KPNA3: variants seen among roughly 807,000 people sequenced by gnomAD.
KPNA3 encodes importin subunit alpha-4.
Under a neutral mutation model 73.8 loss-of-function variants are expected in KPNA3, and 13 were observed. The observed-to-expected ratio is 0.18, with a 90% confidence interval of 0.11 to 0.28. KPNA3 has a LOEUF of 0.28. Among genes scored for constraint, KPNA3 ranks in the 10% least tolerant of loss-of-function variants. The probability of loss-of-function intolerance (pLI) is 1.00; values close to 1 mark genes in which losing one functional copy is unlikely to be tolerated. For missense variants in KPNA3, 360 were observed against 618.1 expected (o/e 0.58, Z 4.43); for synonymous variants, 186 against 206.9 (o/e 0.90, Z 0.87).
chr13:49,705,791 A>G lies in KPNA3; in HGVS notation c.1210-8T>C. 6.4e-7 allele frequency: 1 copy of G among 1,569,624 alleles called. No individual in the cohort carries two copies. The highest frequency in any genetic ancestry group is 2.3e-5 in the East Asian group (1 of 44,170). ...CTGTACAAGGTACTCAACCTAGACA[A>G]CAAAAGAGAAGAAATATTTTTATTT... On this transcript the variant is annotated splice_polypyrimidine_tract_variant and splice_region_variant and intron_variant, in intron 14 of 16. Transcript: ENST00000261667.
chr13:49,721,544 G>T (rs558743873), intron 9 of KPNA3, among the ~76,000 whole-genome samples: 1 of 152,192 alleles, frequency 6.6e-6, no homozygotes, highest in Non-Finnish European at 1.5e-5. Context: ...CTGTGGCTGG[G>T]CGTGGTGGCT....
intron 2 of KPNA3, among the ~76,000 whole-genome samples, chr13:49,734,792 TTA>T (rs1954504242): frequency 6.6e-6 from 1 of 152,128 alleles, no homozygotes; most frequent in South Asian, 2.1e-4. Flanking sequence ...GTGAATTAAA[TTA>T]TTCAAATTTT....
chr13:49,702,802 T>C (rs1431232951), intron 15 of KPNA3, among the ~76,000 whole-genome samples: 1 of 152,236 alleles, frequency 6.6e-6, no homozygotes, highest in Non-Finnish European at 1.5e-5. Flanking sequence ...TTTCAAGTTA[T>C]ATGGCAAGTT....
At chr13:49,737,561 CTGTGTGTGTGTGTGTGTGTGTGTGTG>C (rs3990330) in intron 2 of KPNA3, among the ~76,000 whole-genome samples, 17 of 142,956 alleles carry the variant, frequency 1.2e-4, no homozygotes, top group African/African-American at 1.6e-4. Context: ...GTGTGTGTGT[CTGTGTGTGTGTGTGTGTGTGTGTGTG>C]TGTGTGTGTG....
At chr13:49,734,691 A>T (rs566914335) in intron 2 of KPNA3, among the ~76,000 whole-genome samples, 36 of 152,172 alleles carry the variant, frequency 2.4e-4, no homozygotes, top group Non-Finnish European at 4.1e-4. Context: ...ATGTTACCTC[A>T]GCGCAGAGTT....
chr13:49,710,544 C>G (rs933814514), intron 11 of KPNA3, among the ~76,000 whole-genome samples: 2 of 152,108 alleles, frequency 1.3e-5, no homozygotes, highest in South Asian at 2.1e-4. Context: ...AAGGAGGAAT[C>G]AAAATTTCTA....
At chr13:49,743,827 C>T (rs1445943043) in intron 2 of KPNA3, among the ~76,000 whole-genome samples, 2 of 152,038 alleles carry the variant, frequency 1.3e-5, no homozygotes, top group African/African-American at 2.4e-5. Flanking sequence ...GAATTGCAAG[C>T]GTGAAAAGTT....
rs1954138872 is a variant in KPNA3, at chr13:49,700,668, C to G, written c.*1132G>C. The G allele has an allele frequency of 6.6e-6, 1 of 152,614 alleles. No homozygotes were observed. The highest frequency in any genetic ancestry group is 2.1e-4 in the South Asian group (1 of 4,834). The allele number at this position is 152,614 out of a possible 1,614,324, so 9.5% of individuals were successfully genotyped here. On this transcript the variant is annotated 3_prime_UTR_variant, in exon 17 of 17. Transcript: ENST00000261667. ...ACTCAAAGAATGAACTCTTATGACA[C>G]TTCTAAATAGTTGCTGGTTTGTTGC...
At chr13:49,764,977 T>C (rs1954797777) in intron 1 of KPNA3, among the ~76,000 whole-genome samples, 1 of 152,200 alleles carries the variant, frequency 6.6e-6, no homozygotes, top group Non-Finnish European at 1.5e-5. Flanking sequence ...GGAGAACACT[T>C]CATTCATTCT....
intron 6 of KPNA3, among the ~76,000 whole-genome samples, chr13:49,731,002 G>A (rs959805497): frequency 6.6e-6 from 1 of 151,184 alleles, no homozygotes; most frequent in Non-Finnish European, 1.5e-5. Flanking sequence ...GGATGGTCTC[G>A]ATCTCCTGAC....
At chr13:49,786,773 T>C (rs762707062) in intron 1 of KPNA3, among the ~76,000 whole-genome samples, 58 of 152,202 alleles carry the variant, frequency 3.8e-4, no homozygotes, top group Non-Finnish European at 7.9e-4. Context: ...GTCTTACAAC[T>C]ATGTGTGGCA....
At chr13:49,732,229 A>G in intron 6 of KPNA3, 142 bp downstream of exon 6, 1 of 444,786 alleles carries the variant, frequency 2.2e-6, no homozygotes, top group East Asian at 3.5e-5. Context: ...ATATGATCAC[A>G]GAATAAGAAA....
chr13:49,773,591 T>G (rs1298051148), intron 1 of KPNA3, among the ~76,000 whole-genome samples: 1 of 152,096 alleles, frequency 6.6e-6, no homozygotes, highest in Non-Finnish European at 1.5e-5. Flanking sequence ...CCTTCAAGAG[T>G]GTTATAAATA....
intron 1 of KPNA3, among the ~76,000 whole-genome samples, chr13:49,747,502 T>C (rs1028480705): frequency 7.9e-5 from 12 of 152,074 alleles, no homozygotes; most frequent in Non-Finnish European, 1.5e-4. Flanking sequence ...CTGGCCAACA[T>C]GGCAAAACCC....
intron 1 of KPNA3, among the ~76,000 whole-genome samples, chr13:49,762,798 C>A (rs577101727): frequency 4.6e-5 from 7 of 152,048 alleles, no homozygotes; most frequent in Admixed American, 1.3e-4. Flanking sequence ...CTGACCTTCC[C>A]TCCACTATTG....
At chr13:49,721,767 C>G (rs924211063) in intron 9 of KPNA3, among the ~76,000 whole-genome samples, 188 bp downstream of exon 9, 2 of 152,180 alleles carry the variant, frequency 1.3e-5, no homozygotes, top group African/African-American at 4.8e-5. Flanking sequence ...TTGCCGTGAG[C>G]CAAGATCGCG....
chr13:49,790,021 T>C (rs1409678381), intron 1 of KPNA3, among the ~76,000 whole-genome samples: 1 of 152,188 alleles, frequency 6.6e-6, no homozygotes, highest in Non-Finnish European at 1.5e-5. Flanking sequence ...TCACCCCCAC[T>C]GGACTGTAAA....
At position 49,733,195 on chromosome 13, in the gene KPNA3, A is replaced by C. The variant is rs878918653; in HGVS notation, c.115-149T>G. ...GAATTAAATGTGCATACTGCAAACC[A>C]ATGACAAGGGTCACATTCTGGCTTC... On this transcript the variant is annotated intron_variant, in intron 2 of 16. Transcript: ENST00000261667. The C allele has an allele frequency of 3.1e-5, 19 of 607,104 alleles. No individual in the cohort carries two copies. In the South Asian group the frequency reaches 3.7e-4, roughly 12 times the overall value. 37.6% of individuals were successfully genotyped at this position (607,104 alleles called of 1,614,324 possible).
At chr13:49,737,440 G>A (rs1008022044) in intron 2 of KPNA3, among the ~76,000 whole-genome samples, 1 of 152,120 alleles carries the variant, frequency 6.6e-6, no homozygotes, top group Non-Finnish European at 1.5e-5. Context: ...AATAGCTAAC[G>A]ATGCTGAACA....
Sources: allele counts gnomAD v4.1 joint callset (sites outside exome capture counted in the v4.1 genomes callset), GRCh38; gene constraint gnomAD v4.1.1; transcripts MANE v1.5; gene names NCBI Gene and HGNC (gene_info 2026-07-23, HGNC 2026-07-21).